The following DNASE1 variants were observed in gnomAD, a reference collection of about 807,000 sequenced individuals.
DNASE1 encodes deoxyribonuclease 1, also known as deoxyribonuclease-1.
Under a neutral mutation model 33.9 loss-of-function variants are expected in DNASE1, and 40 were observed. The observed-to-expected ratio is 1.18, with a 90% CI of 0.92 to 1.54. DNASE1 has a LOEUF of 1.54. Among genes scored for constraint, DNASE1 ranks in the 40% most tolerant of loss-of-function variants. The pLI is 0.00. For synonymous variants in DNASE1, 216 were observed against 160.0 expected (o/e 1.35, Z -2.64); for missense variants, 518 against 372.6 (o/e 1.39, Z -3.21).
intron 1 of DNASE1, among the ~76,000 whole-genome samples, chr16:3,643,196 T>G (rs1352572964): frequency 6.6e-6 from 1 of 152,192 alleles, no homozygotes; most frequent in African/African-American, 2.4e-5. Flanking sequence ...GGCTCAGGGC[T>G]GCCGAGGCGG....
At position 3,654,891 on chromosome 16, in the gene DNASE1, G is replaced by C. The variant is rs1199935145; in HGVS notation, c.-155G>C. 7 of 434,362 alleles carry C rather than the reference G, an allele frequency of 1.6e-5. No individual in the cohort carries two copies. The highest frequency in any genetic ancestry group is 6.1e-5 in the African/African-American group (3 of 49,134). 26.9% of individuals were successfully genotyped at this position (434,362 alleles called of 1,614,324 possible). On this transcript the variant is annotated 5_prime_UTR_variant, in exon 1 of 9. Transcript: ENST00000246949. ...CCTGTGCAGGATCCGGAGCCCAGCA[G>C]CACTGCCAGGGCCTTGAAGTGCTTC...
At chr16:3,643,724 G>A (rs963910986) in intron 1 of DNASE1, among the ~76,000 whole-genome samples, 4 of 152,198 alleles carry the variant, frequency 2.6e-5, no homozygotes, top group Admixed American at 2.0e-4. Flanking sequence ...ACTTTAGTAT[G>A]TTAATCACAT....
exon 10 of DNASE1, chr16:3,663,973 G>A (rs1027145860): frequency 1.7e-5 from 6 of 356,910 alleles, no homozygotes; most frequent in Admixed American, 4.5e-5. Flanking sequence ...TGAGGCAGGA[G>A]AATGACCTGA....
intron 1 of DNASE1, among the ~76,000 whole-genome samples, chr16:3,613,191 T>C (rs943314737): frequency 6.6e-6 from 1 of 152,134 alleles, no homozygotes; most frequent in Admixed American, 6.5e-5. Flanking sequence ...TCTCTGTGGT[T>C]TTGCGTATTC....
At chr16:3,655,596 G>T in intron 2 of DNASE1, 76 bp downstream of exon 2, 2 of 1,603,004 alleles carry the variant, frequency 1.2e-6, no homozygotes, top group Non-Finnish European at 1.7e-6. Context: ...CCAGCCCTAT[G>T]GAGCCACAGG....
chr16:3,648,915 A>G (rs1198524910), intron 1 of DNASE1, among the ~76,000 whole-genome samples: 2 of 152,166 alleles, frequency 1.3e-5, no homozygotes, highest in East Asian at 3.8e-4. Context: ...TTTTTAACCT[A>G]TGAGTTCTGC....
intron 7 of DNASE1, among the ~76,000 whole-genome samples, 179 bp downstream of exon 7, chr16:3,657,520 C>T (rs1394701455): frequency 1.3e-5 from 2 of 152,156 alleles, no homozygotes; most frequent in Non-Finnish European, 2.9e-5. Flanking sequence ...CGGAAAAGCA[C>T]ATCTGGGGAT....
downstream of DNASE1, chr16:3,662,616 C>A: frequency 1.5e-6 from 1 of 654,006 alleles, no homozygotes; most frequent in African/African-American, 1.8e-5. Context: ...TCAGCCATTG[C>A]AGCTCCCACT....
intron 1 of DNASE1, among the ~76,000 whole-genome samples, chr16:3,630,573 T>C (rs1464615436): frequency 6.6e-6 from 1 of 152,252 alleles, no homozygotes; most frequent in African/African-American, 2.4e-5. Context: ...TCTTGCTGTA[T>C]TGAACCTTTA....
chr16:3,658,844 C>A, downstream of DNASE1: 2 of 1,614,072 alleles, frequency 1.2e-6, no homozygotes, highest in South Asian at 1.1e-5. Flanking sequence ...GCAGCTGATT[C>A]AGCTTCTTGA....
chr16:3,624,122 C>CA (rs2151166011), intron 1 of DNASE1, among the ~76,000 whole-genome samples: 1 of 151,954 alleles, frequency 6.6e-6, no homozygotes, highest in East Asian at 1.9e-4. Context: ...ACTAAAAATA[C>CA]AAAAATCAGC....
chr16:3,629,916 C>G (rs1343528389), intron 1 of DNASE1, among the ~76,000 whole-genome samples: 1 of 152,152 alleles, frequency 6.6e-6, no homozygotes, highest in Non-Finnish European at 1.5e-5. Flanking sequence ...TGGGTTCAAG[C>G]GATTCTCCTG....
intron 1 of DNASE1, among the ~76,000 whole-genome samples, chr16:3,643,650 AAGGGGACC>A (rs1316232303): frequency 6.6e-6 from 1 of 152,238 alleles, no homozygotes; most frequent in Non-Finnish European, 1.5e-5. Context: ...TACACTGGGA[AAGGGGACC>A]AGGGGAAGAA....
chr16:3,661,892 A>C, downstream of DNASE1: 2 of 1,441,486 alleles, frequency 1.4e-6, no homozygotes, highest in Non-Finnish European at 1.8e-6. Context: ...GGCCTCACGC[A>C]CTTTTCTTCT....
rs201111816 is a variant in DNASE1 at position 3,656,084 on chromosome 16, T to G, written c.237-18T>G. ...CCTATGGCCCCCGCCACTGGGACCT[T>G]TTGTTTCTTCAATCCAGGGATGCAC... On this transcript the variant is annotated intron_variant, in intron 3 of 8. Coordinates refer to ENST00000246949, the MANE Select transcript of DNASE1 (RefSeq NM_005223.4). 3.0e-4 allele frequency: 487 copies of G among 1,613,884 alleles called. No individual in the cohort carries two copies. The African/African-American group carries it at 5.8e-3, about 19-fold the overall frequency.
downstream of DNASE1, chr16:3,662,896 C>A: frequency 1.2e-6 from 2 of 1,613,574 alleles, no homozygotes; most frequent in Non-Finnish European, 1.7e-6. Flanking sequence ...ACGTTGGTGA[C>A]ACGCGACCCC....
At chr16:3,658,956 A>G, downstream of DNASE1, 1 of 1,315,402 alleles carries the variant, frequency 7.6e-7, no homozygotes, top group African/African-American at 1.4e-5. Context: ...TATTTAAAGA[A>G]GCACAGTAAG....
At chr16:3,664,108 TG>T in exon 10 of DNASE1, 1 of 690,394 alleles carries the variant, frequency 1.4e-6, no homozygotes, top group South Asian at 2.6e-5. Flanking sequence ...GACCTCCAAG[TG>T]GGAAACAGCC....
chr16:3,623,659 C>T (rs1404374849), intron 1 of DNASE1, among the ~76,000 whole-genome samples: 2 of 152,022 alleles, frequency 1.3e-5, no homozygotes, highest in Non-Finnish European at 2.9e-5. Flanking sequence ...AAAGGCTGGG[C>T]GTGGTGGCTA....
Sources: gnomAD v4.1 joint callset for allele counts (sites outside exome capture counted in the v4.1 genomes callset) on GRCh38, gnomAD v4.1.1 for gene constraint, MANE v1.5 for transcripts, NCBI Gene and HGNC (gene_info 2026-07-23, HGNC 2026-07-21) for gene names.